TENM3: variants seen among roughly 807,000 people sequenced by gnomAD.
The protein encoded by TENM3 is teneurin-3.
Under a neutral mutation model 255.1 loss-of-function variants are expected in TENM3, and 63 were observed. The observed-to-expected ratio is 0.25, with a 90% CI of 0.20 to 0.30. The LOEUF is 0.30. TENM3 is among the 10% of genes least tolerant of loss of function. TENM3 has a pLI of 1.00. For missense variants in TENM3, 2,929 were observed against 3,461.1 expected (o/e 0.85, Z 3.86); for synonymous variants, 1,306 against 1,322.3 (o/e 0.99, Z 0.27).
intron 1 of TENM3, among the ~76,000 whole-genome samples, chr4:182,246,766 C>T (rs1258250537): frequency 4.6e-5 from 7 of 152,164 alleles, no homozygotes; most frequent in Non-Finnish European, 1.0e-4. Context: ...TCTCGTCCTT[C>T]GCTTTGCCTT....
the TENM3 span, among the ~76,000 whole-genome samples, chr4:181,762,192 T>A: frequency 2.0e-5 from 3 of 152,088 alleles, no homozygotes; most frequent in Admixed American, 2.0e-4. Flanking sequence ...AAGGTGAAAT[T>A]TCTTCTGGTC....
chr4:182,372,620 T>A (rs962293059), intron 3 of TENM3, among the ~76,000 whole-genome samples: 1 of 152,192 alleles, frequency 6.6e-6, no homozygotes, highest in South Asian at 2.1e-4. Context: ...TTAGTTTACA[T>A]AGTAAATAGT....
chr4:182,009,306 C>A, the TENM3 span, among the ~76,000 whole-genome samples: 6 of 152,132 alleles, frequency 3.9e-5, no homozygotes, highest in Non-Finnish European at 8.8e-5. Flanking sequence ...CTTATCAAGG[C>A]TGCCCAGATT....
At chr4:181,893,485 C>G in the TENM3 span, among the ~76,000 whole-genome samples, 1 of 12,066 alleles carries the variant, frequency 8.3e-5, no homozygotes, top group Non-Finnish European at 2.3e-4. Flanking sequence ...CCACTTTCCC[C>G]TGCCCACCCC....
chr4:182,730,340 T>C, intron 15 of TENM3, 21 bp downstream of exon 15: 1 of 1,612,638 alleles, frequency 6.2e-7, no homozygotes, highest in Non-Finnish European at 8.5e-7. Flanking sequence ...CCCATCACAC[T>C]ATCTCTGAAG....
chr4:182,141,350 G>GTTGTCAGC (rs1190258276), upstream of TENM3: 4 of 152,280 alleles, frequency 2.6e-5, no homozygotes, highest in Admixed American at 2.0e-4. Context: ...CAACAGCTCA[G>GTTGTCAGC]TGAGGTAAAA....
the TENM3 span, among the ~76,000 whole-genome samples, chr4:181,541,120 T>A: frequency 2.0e-5 from 3 of 152,190 alleles, no homozygotes; most frequent in East Asian, 5.8e-4. Context: ...ATGCCTGTAA[T>A]CCCAACATTT....
chr4:181,709,400 C>A, the TENM3 span, among the ~76,000 whole-genome samples: 1 of 152,140 alleles, frequency 6.6e-6, no homozygotes, highest in African/African-American at 2.4e-5. Flanking sequence ...CAGTGAATGC[C>A]ATGAAGAAAA....
chr4:181,605,550 GAAA>G, the TENM3 span, among the ~76,000 whole-genome samples: 13 of 28,526 alleles, frequency 4.6e-4, 1 homozygote, highest in African/African-American at 1.1e-3. Context: ...AAGAAAGAAA[GAAA>G]GAAAGAAAGA....
chr4:182,111,149 G>T, the TENM3 span, among the ~76,000 whole-genome samples: 33 of 143,154 alleles, frequency 2.3e-4, no homozygotes, highest in Non-Finnish European at 4.1e-4. Context: ...TTAAAACTTT[G>T]GAATAAAAAG....
At chr4:182,025,441 A>C in the TENM3 span, among the ~76,000 whole-genome samples, 1 of 152,174 alleles carries the variant, frequency 6.6e-6, no homozygotes, top group Non-Finnish European at 1.5e-5. Context: ...GTTGCTTCCA[A>C]ACCTTGGCTA....
At chr4:182,621,165 A>T (rs1198407896) in intron 4 of TENM3, among the ~76,000 whole-genome samples, 3 of 146,602 alleles carry the variant, frequency 2.0e-5, no homozygotes, top group Non-Finnish European at 4.5e-5. Flanking sequence ...TGGACAACAG[A>T]GCGAGACTCC....
intron 5 of TENM3, among the ~76,000 whole-genome samples, chr4:182,650,489 T>A (rs1428701918): frequency 2.0e-5 from 3 of 150,240 alleles, no homozygotes; most frequent in African/African-American, 7.3e-5. Flanking sequence ...TTGGCGAATT[T>A]TCCCTTTTTT....
intron 3 of TENM3, among the ~76,000 whole-genome samples, chr4:182,404,279 A>G (rs1281223176): frequency 6.6e-6 from 1 of 152,226 alleles, no homozygotes; most frequent in South Asian, 2.1e-4. Context: ...TGAAAAATCT[A>G]TGAATGGTTA....
At chr4:182,779,740 T>C (rs1371392206) in intron 24 of TENM3, among the ~76,000 whole-genome samples, 1 of 152,232 alleles carries the variant, frequency 6.6e-6, no homozygotes, top group African/African-American at 2.4e-5. Context: ...GACTTTTTAA[T>C]GATTGCCATT....
chr4:182,020,385 G>A, the TENM3 span, among the ~76,000 whole-genome samples: 2 of 151,836 alleles, frequency 1.3e-5, no homozygotes, highest in African/African-American at 4.8e-5. Context: ...TTAAAAAATA[G>A]TTTAAAAAAG....
At chr4:182,475,631 T>C (rs1733614465) in intron 3 of TENM3, among the ~76,000 whole-genome samples, 1 of 152,210 alleles carries the variant, frequency 6.6e-6, no homozygotes, top group African/African-American at 2.4e-5. Flanking sequence ...AACCAGAACA[T>C]CTATCTGCAT....
Position 182,324,140 on chromosome 4 carries a change from C to T in TENM3, c.120C>T (p.Ser40=). 6.2e-7 allele frequency: 1 copy of T among 1,614,004 alleles called. No individual in the cohort carries two copies. The highest frequency in any genetic ancestry group is 8.5e-7 in the Non-Finnish European group (1 of 1,179,900). ...AGTGCCGGGTACCCACACAGAAGTC[C>T]TACAGTTCCAGCGAGACATTGAAAG... ...NEECRVPTQK[S]YSSSETLKAF... The change falls in exon 2 of 28, where the codon TCC becomes TCT. Residue 40 remains serine (S), a synonymous_variant. Coordinates refer to ENST00000511685, the MANE Select transcript of TENM3 (RefSeq NM_001080477.4).
At chr4:182,022,173 A>C in the TENM3 span, among the ~76,000 whole-genome samples, 7 of 149,544 alleles carry the variant, frequency 4.7e-5, 1 homozygote, top group South Asian at 2.1e-4. Context: ...GATTGGATAA[A>C]AAAAAAAAAA....
Sources: allele counts gnomAD v4.1 joint callset (sites outside exome capture counted in the v4.1 genomes callset), GRCh38; gene constraint gnomAD v4.1.1; transcripts MANE v1.5; gene names NCBI Gene and HGNC (gene_info 2026-07-23, HGNC 2026-07-21).